Variants in SNTB2 observed in about 807,000 individuals in gnomAD.
SNTB2 encodes syntrophin beta 2, also known as beta-2-syntrophin.
SNTB2 carries 34 observed loss-of-function variants against 46.2 expected under a neutral mutation model. That is an observed-to-expected ratio of 0.74 (90% confidence interval 0.56 to 0.98). The LOEUF (loss-of-function observed/expected upper bound fraction) is 0.98, where lower values mean the gene tolerates loss of function less well. SNTB2 is among the 50% of genes least tolerant of loss of function. SNTB2 has a pLI of 0.00. For synonymous variants in SNTB2, 290 were observed against 312.6 expected (o/e 0.93, Z 0.76); for missense variants, 603 against 731.4 (o/e 0.82, Z 2.02).
At chr16:69,203,309 C>T (rs867707009) in intron 1 of SNTB2, among the ~76,000 whole-genome samples, 2 of 151,630 alleles carry the variant, frequency 1.3e-5, no homozygotes, top group African/African-American at 2.4e-5. Flanking sequence ...TGAGCCACTG[C>T]GCCCAGCGTT....
At chr16:69,235,698 A>G in intron 1 of SNTB2, 1 of 1,277,152 alleles carries the variant, frequency 7.8e-7, no homozygotes. Flanking sequence ...AAACTGCTGT[A>G]TCCCCAGGGC....
intron 3 of SNTB2, among the ~76,000 whole-genome samples, chr16:69,262,028 G>A (rs1254424875): frequency 6.6e-6 from 1 of 152,054 alleles, no homozygotes; most frequent in Non-Finnish European, 1.5e-5. Flanking sequence ...GGGCAATATG[G>A]CAAAACCCCA....
rs1309708097 is a variant in SNTB2 at position 69,296,968 on chromosome 16, C to T, written c.1346-2622C>T. ...AGGGAGCCGAGGTTGCGCCATTGCC[C>T]TCCAGCCTGCATGACAGAGTGAGAC... On this transcript the variant is annotated intron_variant, in intron 5 of 6. Transcript: ENST00000336278. Among the ~76,000 whole-genome samples the T allele has an allele frequency of 3.3e-5, 5 of 150,442 alleles. No homozygotes were observed. The South Asian group carries it at 1.1e-3, about 32-fold the overall frequency.
intron 4 of SNTB2, among the ~76,000 whole-genome samples, chr16:69,277,767 C>G (rs570038297): frequency 4.6e-5 from 7 of 152,136 alleles, no homozygotes; most frequent in Non-Finnish European, 1.0e-4. Context: ...ATGTACATTC[C>G]TCACCAAATT....
intron 3 of SNTB2, among the ~76,000 whole-genome samples, chr16:69,269,624 A>G (rs901534749): frequency 2.6e-5 from 4 of 152,254 alleles, no homozygotes; most frequent in African/African-American, 4.8e-5. Flanking sequence ...TTGGGTTGCA[A>G]TGTAAACTCT....
chr16:69,190,596 G>A (rs1160131309), intron 1 of SNTB2, among the ~76,000 whole-genome samples: 1 of 152,144 alleles, frequency 6.6e-6, no homozygotes, highest in South Asian at 2.1e-4. Context: ...GTCTATATAG[G>A]TCCATCATGG....
chr16:69,266,490 C>G (rs1480944588), intron 3 of SNTB2, among the ~76,000 whole-genome samples: 1 of 151,684 alleles, frequency 6.6e-6, no homozygotes, highest in African/African-American at 2.4e-5. Flanking sequence ...TCTCTAAAAA[C>G]TAAGGACTTG....
At chr16:69,265,187 T>TG (rs1219031181) in intron 3 of SNTB2, among the ~76,000 whole-genome samples, 2 of 152,078 alleles carry the variant, frequency 1.3e-5, no homozygotes, top group Non-Finnish European at 2.9e-5. Flanking sequence ...AGGCGGAGCT[T>TG]GCAGTGAGCC....
At position 69,245,745 on chromosome 16, in the gene SNTB2, G is replaced by A; in HGVS notation, c.724G>A (p.Asp242Asn). The A allele has an allele frequency of 1.2e-6, 2 of 1,614,084 alleles. No individual in the cohort carries two copies. The highest frequency in any genetic ancestry group is 8.5e-7 in the Non-Finnish European group (1 of 1,180,026). Residue 242 changes from aspartate to asparagine, a missense_variant, in exon 2 of 7, where the codon GAC becomes AAC. Coordinates refer to ENST00000336278, the MANE Select transcript of SNTB2 (RefSeq NM_006750.4). Reference sequence around the variant, plus strand: ...GCCAAAACACCAGAACAGCACCAAGGACAGGAAGATCATCCCTCTCAAAAT... The same window carrying A: ...GCCAAAACACCAGAACAGCACCAAGAACAGGAAGATCATCCCTCTCAAAAT... Reference protein sequence around the residue: ...GSPKHQNSTKDRKIIPLKMCF... With the variant: ...GSPKHQNSTKNRKIIPLKMCF...
chr16:69,227,265 ATCT>A (rs746755475), intron 1 of SNTB2, among the ~76,000 whole-genome samples: 1 of 152,336 alleles, frequency 6.6e-6, no homozygotes. Context: ...TTGACTGTAC[ATCT>A]TCTGTGCATT....
intron 3 of SNTB2, among the ~76,000 whole-genome samples, chr16:69,264,890 A>T (rs1567410213): frequency 6.6e-6 from 1 of 152,192 alleles, no homozygotes; most frequent in Non-Finnish European, 1.5e-5. Flanking sequence ...ATGATTCAAG[A>T]CGTTCAAGAA....
chr16:69,261,502 T>C (rs1041945128), intron 3 of SNTB2, among the ~76,000 whole-genome samples: 1 of 152,068 alleles, frequency 6.6e-6, no homozygotes, highest in Non-Finnish European at 1.5e-5. Context: ...TCTCAACTTT[T>C]TATGAACATT....
intron 1 of SNTB2, among the ~76,000 whole-genome samples, chr16:69,234,695 A>C (rs990392818): frequency 2.6e-5 from 4 of 151,260 alleles, no homozygotes; most frequent in African/African-American, 9.8e-5. Context: ...GTGTTATACA[A>C]CTTGGTATTT....
chr16:69,209,400 A>G (rs2078521092), intron 1 of SNTB2, among the ~76,000 whole-genome samples: 1 of 152,148 alleles, frequency 6.6e-6, no homozygotes, highest in Admixed American at 6.6e-5. Flanking sequence ...GCCTTTTACT[A>G]TAAGCTTGGT....
intron 1 of SNTB2, among the ~76,000 whole-genome samples, chr16:69,234,112 C>T (rs547448927): frequency 1.3e-5 from 2 of 152,334 alleles, no homozygotes; most frequent in South Asian, 4.1e-4. Flanking sequence ...CAGCAGATTG[C>T]TTGAGCCTAG....
chr16:69,307,169 C>T lies in SNTB2; in HGVS notation c.*6245C>T, dbSNP rs1256916042. 1 of 152,144 alleles carries T rather than the reference C, an allele frequency of 6.6e-6. No homozygotes were observed. The highest frequency in any genetic ancestry group is 1.5e-5 in the Non-Finnish European group (1 of 68,022). The allele number at this position is 152,144 out of a possible 1,614,324, so 9.4% of individuals were successfully genotyped here. A position where few individuals can be genotyped will look rare whatever the true frequency, so the allele number is the denominator to read the frequency against. On this transcript the variant is annotated 3_prime_UTR_variant, in exon 7 of 7. Coordinates refer to ENST00000336278, the MANE Select transcript of SNTB2 (RefSeq NM_006750.4). ...TCCTGCCCTCTAGTAGCACATAATC[C>T]GTTATTTCTCAGCACACCATGCCAT...
At chr16:69,241,928 C>CAAAAAAAAA (rs10604855) in intron 1 of SNTB2, 2 of 63,266 alleles carry the variant, frequency 3.2e-5, no homozygotes, top group Non-Finnish European at 6.2e-5. Flanking sequence ...GACCTTGTCT[C>CAAAAAAAAA]AAAAAAAAAA....
At chr16:69,229,069 C>T (rs896877334) in intron 1 of SNTB2, among the ~76,000 whole-genome samples, 3 of 152,102 alleles carry the variant, frequency 2.0e-5, no homozygotes, top group Admixed American at 2.0e-4. Context: ...CCCCTTATTT[C>T]TTCAGTATTT....
In SNTB2 at chr16:69,305,560, C is replaced by G. The variant is rs959348483; in HGVS notation, c.*4636C>G. Reference sequence around the variant, plus strand: ...CTCTTTGGTCTCAAAGCAAATTGCTCTGATCAGATCAAATATCTATGTAAT... The same window carrying G: ...CTCTTTGGTCTCAAAGCAAATTGCTGTGATCAGATCAAATATCTATGTAAT... On this transcript the variant is annotated 3_prime_UTR_variant, in exon 7 of 7. Coordinates refer to ENST00000336278, the MANE Select transcript of SNTB2 (RefSeq NM_006750.4). 5 of 152,152 alleles carry G rather than the reference C, an allele frequency of 3.3e-5. No homozygotes were observed. Among genetic ancestry groups the G allele is most frequent in the African/African-American group, 1.2e-4 (5 of 41,426 alleles). 9.4% of individuals were successfully genotyped at this position (152,152 alleles called of 1,614,324 possible). A position where few individuals can be genotyped will look rare whatever the true frequency, so the allele number is the denominator to read the frequency against.
Sources: allele counts gnomAD v4.1 joint callset (sites outside exome capture counted in the v4.1 genomes callset), GRCh38; gene constraint gnomAD v4.1.1; transcripts MANE v1.5; gene names NCBI Gene and HGNC (gene_info 2026-07-23, HGNC 2026-07-21).